Variants in LYPLAL1 observed in about 807,000 individuals in gnomAD.
LYPLAL1 encodes the protein lysophospholipase like 1, also known as lysophospholipase-like protein 1.
LYPLAL1 carries 23 observed loss-of-function variants against 19.7 expected under a neutral mutation model. The observed-to-expected ratio is 1.17, with a 90% CI of 0.84 to 1.65. The LOEUF (loss-of-function observed/expected upper bound fraction) is 1.65. Among genes scored for constraint, LYPLAL1 ranks in the 40% most tolerant of loss-of-function variants. The pLI is 0.00. For synonymous variants in LYPLAL1, 119 were observed against 96.3 expected (o/e 1.24, Z -1.38); for missense variants, 355 against 279.4 (o/e 1.27, Z -1.93).
the LYPLAL1 span, among the ~76,000 whole-genome samples, chr1:219,371,504 C>T: frequency 6.6e-6 from 1 of 152,314 alleles, no homozygotes; most frequent in East Asian, 1.9e-4. Context: ...AATGTCTCAG[C>T]ATAATAATTG....
At chr1:219,228,424 G>C in the LYPLAL1 span, among the ~76,000 whole-genome samples, 1 of 152,146 alleles carries the variant, frequency 6.6e-6, no homozygotes, top group Non-Finnish European at 1.5e-5. Context: ...ATGCTGGGTA[G>C]GCAACTGGAA....
At chr1:219,204,536 T>G (rs375666463) in intron 3 of LYPLAL1, among the ~76,000 whole-genome samples, 9 of 152,334 alleles carry the variant, frequency 5.9e-5, no homozygotes, top group African/African-American at 2.2e-4. Flanking sequence ...AAAGTACATA[T>G]GGTAGAGATA....
chr1:219,179,349 A>G (rs1163189781), intron 2 of LYPLAL1, 103 bp downstream of exon 2: 3 of 834,090 alleles, frequency 3.6e-6, no homozygotes, highest in East Asian at 2.8e-5. Flanking sequence ...TTTGTATTTA[A>G]CATACTTTAA....
the LYPLAL1 span, among the ~76,000 whole-genome samples, chr1:219,314,728 G>A: frequency 3.9e-5 from 6 of 152,354 alleles, no homozygotes; most frequent in South Asian, 1.2e-3. Context: ...CACTGCGCCT[G>A]GCTGACAGAG....
chr1:219,180,871 A>C (rs984275223), intron 2 of LYPLAL1, among the ~76,000 whole-genome samples: 19 of 152,306 alleles, frequency 1.2e-4, no homozygotes, highest in Admixed American at 5.9e-4. Context: ...CATGTGCACT[A>C]AGCATTATTT....
At chr1:219,278,382 T>C in the LYPLAL1 span, among the ~76,000 whole-genome samples, 1 of 152,190 alleles carries the variant, frequency 6.6e-6, no homozygotes, top group Non-Finnish European at 1.5e-5. Context: ...GCCTTTACTA[T>C]GTAGCAGGTC....
At chr1:219,416,932 T>C in the LYPLAL1 span, among the ~76,000 whole-genome samples, 34,482 of 152,058 alleles carry the variant, frequency 0.23, 4,064 homozygotes, top group Middle Eastern at 0.29. Flanking sequence ...CCTGGGCTTA[T>C]GGATTTTAAG....
the LYPLAL1 span, among the ~76,000 whole-genome samples, chr1:219,253,366 G>A: frequency 1.3e-5 from 2 of 151,878 alleles, no homozygotes; most frequent in African/African-American, 4.8e-5. Flanking sequence ...CAGTTGTGCA[G>A]TTAGGTTGTT....
chr1:219,335,841 A>G, the LYPLAL1 span, among the ~76,000 whole-genome samples: 2 of 151,842 alleles, frequency 1.3e-5, no homozygotes, highest in Admixed American at 6.6e-5. Flanking sequence ...TACAAACCCA[A>G]TTAGCACAAC....
chr1:219,205,684 A>G (rs1658519269), intron 3 of LYPLAL1, among the ~76,000 whole-genome samples: 1 of 152,210 alleles, frequency 6.6e-6, no homozygotes, highest in African/African-American at 2.4e-5. Flanking sequence ...AGAATTCCCA[A>G]GATGAAGTCT....
At chr1:219,396,016 T>A in the LYPLAL1 span, among the ~76,000 whole-genome samples, 10 of 149,978 alleles carry the variant, frequency 6.7e-5, no homozygotes, top group South Asian at 2.1e-3. Context: ...GGCAGAAGAA[T>A]GGCGTGAACC....
chr1:219,269,962 A>T, the LYPLAL1 span, among the ~76,000 whole-genome samples: 1 of 152,342 alleles, frequency 6.6e-6, no homozygotes, highest in African/African-American at 2.4e-5. Flanking sequence ...TTTAAAAAAA[A>T]TTGTTTAGAT....
chr1:219,361,768 T>C, the LYPLAL1 span, among the ~76,000 whole-genome samples: 1 of 152,122 alleles, frequency 6.6e-6, no homozygotes, highest in East Asian at 1.9e-4. Flanking sequence ...TTCACATTAT[T>C]CATGACAAAA....
chr1:219,205,079 A>G (rs1250201013), intron 3 of LYPLAL1, among the ~76,000 whole-genome samples: 1 of 152,212 alleles, frequency 6.6e-6, no homozygotes, highest in East Asian at 1.9e-4. Flanking sequence ...TTATGTAACC[A>G]TTAAGTACTA....
At chr1:219,326,876 TA>T in the LYPLAL1 span, among the ~76,000 whole-genome samples, 74 of 152,272 alleles carry the variant, frequency 4.9e-4, no homozygotes, top group African/African-American at 1.8e-3. Context: ...ACAGAATATG[TA>T]AAAGGAGAAC....
chr1:219,307,740 T>A, the LYPLAL1 span, among the ~76,000 whole-genome samples: 50 of 152,170 alleles, frequency 3.3e-4, no homozygotes, highest in Non-Finnish European at 1.3e-4. Context: ...TGGAGGCAGT[T>A]TTCCCCATAC....
chr1:219,181,683 T>C (rs924851290), intron 2 of LYPLAL1, among the ~76,000 whole-genome samples: 12 of 152,092 alleles, frequency 7.9e-5, no homozygotes, highest in Non-Finnish European at 1.3e-4. Context: ...GCGTTAGATA[T>C]AGGAATACAT....
At chr1:219,413,951 C>A in the LYPLAL1 span, among the ~76,000 whole-genome samples, 1 of 152,168 alleles carries the variant, frequency 6.6e-6, no homozygotes, top group Non-Finnish European at 1.5e-5. Context: ...AAGACTTCTG[C>A]AAGCAAATAC....
the LYPLAL1 span, among the ~76,000 whole-genome samples, chr1:219,368,156 A>C: frequency 2.0e-5 from 3 of 152,178 alleles, no homozygotes; most frequent in Admixed American, 6.5e-5. Context: ...TAGCATTTTA[A>C]TACTAAGGTA....
Sources: gnomAD v4.1 joint callset for allele counts (sites outside exome capture counted in the v4.1 genomes callset) on GRCh38, gnomAD v4.1.1 for gene constraint, MANE v1.5 for transcripts, NCBI Gene and HGNC (gene_info 2026-07-23, HGNC 2026-07-21) for gene names.